Variants in AACS observed in about 807,000 individuals in gnomAD.
The protein encoded by AACS is acetoacetate-CoA ligase.
Under a neutral mutation model 83.1 loss-of-function variants are expected in AACS, and 69 were observed. The observed-to-expected ratio is 0.83, with a 90% CI of 0.68 to 1.01. The LOEUF is 1.01. Among genes scored for constraint, AACS ranks in the 50% least tolerant of loss-of-function variants. The probability of loss-of-function intolerance (pLI) is 0.00; values close to 1 mark genes in which losing one functional copy is unlikely to be tolerated. For synonymous variants in AACS, 333 were observed against 343.4 expected, an observed-to-expected ratio of 0.97 and a Z score of 0.33; for missense variants, 866 against 882.2, an observed-to-expected ratio of 0.98 and a Z score of 0.23.
At position 125,082,820 on chromosome 12, in the gene AACS, C is replaced by G. The variant is rs796227231; in HGVS notation, c.359-3510C>G. ...TGGGTGACAGAGCGAGACTCTGTCT[C>G]AAACACACACAGACACACACACACA... On this transcript the variant is annotated intron_variant, in intron 3 of 17. Coordinates refer to ENST00000316519, the MANE Select transcript of AACS (RefSeq NM_023928.5). Among the ~76,000 whole-genome samples the G allele has an allele frequency of 1.4e-4, 21 of 152,020 alleles. 1 individual carries two copies. The highest frequency in any genetic ancestry group is 4.8e-4 in the African/African-American group (20 of 41,436).
chr12:125,083,172 C>T (rs994062984), intron 3 of AACS, among the ~76,000 whole-genome samples: 10 of 152,224 alleles, frequency 6.6e-5, no homozygotes, highest in Admixed American at 1.3e-4. Context: ...GAAGGCTTGA[C>T]TGAGGCTAGA....
intron 9 of AACS, among the ~76,000 whole-genome samples, chr12:125,116,707 C>T (rs1398630992): frequency 1.3e-5 from 2 of 152,070 alleles, no homozygotes; most frequent in African/African-American, 2.4e-5. Flanking sequence ...CCTCATGATC[C>T]GCCTGCCTCG....
chr12:125,096,157 G>C (rs1476541161), intron 5 of AACS, among the ~76,000 whole-genome samples: 2 of 152,116 alleles, frequency 1.3e-5, no homozygotes, highest in Non-Finnish European at 2.9e-5. Flanking sequence ...GTAGAGACGG[G>C]GTTTCACCAT....
chr12:125,065,562 A>AGCCCCGGCCGCCCGCCGCC lies in AACS; in HGVS notation c.-19_-1dup, dbSNP rs1211529998. On this transcript the variant is annotated 5_prime_UTR_variant, in exon 1 of 18. Transcript: ENST00000316519. Reference sequence around the variant, plus strand: ...GCCCCTGGTCCCCAGCCCTCGTCGCAGCCCCGGCCGCCCGCCGCCGCCATG... The same window carrying AGCCCCGGCCGCCCGCCGCC: ...GCCCCTGGTCCCCAGCCCTCGTCGCAGCCCCGGCCGCCCGCCGCCGCCCCGGCCGCCCGCCGCCGCCATG... 2 of 1,464,712 alleles carry AGCCCCGGCCGCCCGCCGCC rather than the reference A, an allele frequency of 1.4e-6. No homozygotes were observed. The highest frequency in any genetic ancestry group is 1.8e-6 in the Non-Finnish European group (2 of 1,104,104). 90.7% of individuals were successfully genotyped at this position (1,464,712 alleles called of 1,614,324 possible).
chr12:125,065,609 C>T lies in AACS; in HGVS notation c.25C>T (p.Arg9Trp), dbSNP rs1367795275. The change falls in exon 1 of 18, where the codon CGG (arginine) becomes TGG (tryptophan). Residue 9 changes from arginine to tryptophan, a missense_variant. By Grantham distance (101) the Arg-to-Trp change is moderately radical. Coordinates refer to ENST00000316519, the MANE Select transcript of AACS (RefSeq NM_023928.5). ...CATGTCCAAGGAGGAGCGCCCCGGT[C>T]GGGAGGAGATCCTGGAGTGCCAGGT... is the stretch of plus-strand genomic sequence containing the variant. MSKEERPG[R>W]EEILECQVMW... 3.3e-6 allele frequency: 5 copies of T among 1,534,368 alleles called. No individual in the cohort carries two copies. Among genetic ancestry groups the T allele is most frequent in the Non-Finnish European group, 8.8e-7 (1 of 1,139,682 alleles).
At chr12:125,071,424 C>T (rs1040893867) in intron 1 of AACS, among the ~76,000 whole-genome samples, 8 of 152,132 alleles carry the variant, frequency 5.3e-5, no homozygotes, top group African/African-American at 1.7e-4. Flanking sequence ...CAGGAGAAGC[C>T]GGAGTTTCAT....
chr12:125,096,569 G>C (rs1337947018), intron 5 of AACS, among the ~76,000 whole-genome samples: 2 of 152,182 alleles, frequency 1.3e-5, no homozygotes, highest in African/African-American at 4.8e-5. Context: ...GAGGGAGCCA[G>C]GTGCAGGGAT....
At chr12:125,125,447 C>T (rs954708110) in intron 12 of AACS, among the ~76,000 whole-genome samples, 1 of 152,188 alleles carries the variant, frequency 6.6e-6, no homozygotes, top group African/African-American at 2.4e-5. Flanking sequence ...CCCTGGGCTC[C>T]TGTGTGTGAG....
intron 3 of AACS, among the ~76,000 whole-genome samples, chr12:125,080,718 G>A (rs1270168126): frequency 1.3e-5 from 2 of 151,992 alleles, no homozygotes; most frequent in East Asian, 1.9e-4. Context: ...TTGAGACAGA[G>A]TCTAGCTCTG....
intron 3 of AACS, among the ~76,000 whole-genome samples, chr12:125,079,678 T>G (rs6488986): frequency 1.3e-5 from 2 of 152,052 alleles, no homozygotes; most frequent in African/African-American, 4.8e-5. Context: ...CATGAGCCAC[T>G]GCGTCCAGCC....
At chr12:125,114,608 C>A in intron 9 of AACS, 51 bp downstream of exon 9, 1 of 1,527,510 alleles carries the variant, frequency 6.5e-7, no homozygotes, top group Non-Finnish European at 8.9e-7. Context: ...TAGGGGCTTC[C>A]CTGGGTGCCA....
rs1320209936 is a variant in AACS, at chr12:125,129,582, C to CT, written c.1549+124dup. 3.9e-6 allele frequency: 5 copies of CT among 1,288,776 alleles called. No homozygotes were observed. In the East Asian group the frequency reaches 1.2e-4, roughly 32 times the overall value. 79.8% of individuals were successfully genotyped at this position (1,288,776 alleles called of 1,614,324 possible). ...CCCCCACCAGGGCTTGGAGAAGCTG[C>CT]TTATAGTTCATTCCGCCAGTGGGGG... On this transcript the variant is annotated intron_variant, in intron 14 of 17. Transcript: ENST00000316519. This position sits in a 1 kb window ranked among gnomAD's most constrained non-coding sequence, Gnocchi z 4.3.
rs1459912950 is a variant in AACS, at chr12:125,098,221, G to A, written c.571-4458G>A. On this transcript the variant is annotated intron_variant, in intron 5 of 17. Transcript: ENST00000316519. ...GAGGCGGATGGATCACTTGAATCCC[G>A]GAGTTTGAGAGCAGCCTGGGCAACA... Among the ~76,000 whole-genome samples, 8 of 151,944 alleles carry A rather than the reference G, an allele frequency of 5.3e-5. 1 individual carries two copies. The South Asian group carries it at 1.0e-3, about 20-fold the overall frequency.
In AACS at chr12:125,091,458, G is replaced by A. The variant is rs1384968719; in HGVS notation, c.505G>A (p.Ala169Thr). ...ACCCAACAGTGAGCACGCTGTCGAG[G>A]CGATGCTGGCTGCGGCAAGCATTGG... ...YLPNSEHAVE[A>T]MLAAASIGAI... is the part of the protein sequence containing the mutation. The change falls in exon 5 of 18, where the codon GCG (alanine) becomes ACG (threonine). Residue 169 changes from alanine to threonine, a missense_variant. Ala to Thr is a moderately conservative substitution (Grantham distance 58). Transcript: ENST00000316519. 4.3e-6 allele frequency: 7 copies of A among 1,614,242 alleles called. No individual in the cohort carries two copies. The highest frequency in any genetic ancestry group is 1.6e-4 in the Middle Eastern group (1 of 6,062).
In AACS at chr12:125,085,425, G is replaced by A. The variant is rs540794711; in HGVS notation, c.359-905G>A. On this transcript the variant is annotated intron_variant, in intron 3 of 17. Transcript: ENST00000316519. ...CCACACACGTGCACCTTGCATCCAC[G>A]TCTGTTTCATGGAACCACGCACGTG... 6.4e-4 allele frequency among the ~76,000 whole-genome samples: 96 copies of A among 151,102 alleles called. No homozygotes were observed. In the East Asian group the frequency reaches 6.8e-3, roughly 11 times the overall value.
intron 1 of AACS, 106 bp downstream of exon 1, chr12:125,065,823 G>A (rs571603122): frequency 2.9e-6 from 4 of 1,377,976 alleles, no homozygotes; most frequent in Admixed American, 7.3e-5. Flanking sequence ...GGCTGGAGGA[G>A]CCACTTGATG....
At position 125,102,988 on chromosome 12, in the gene AACS, C is replaced by T. The variant is rs372062541; in HGVS notation, c.686-12C>T. 124 of 1,609,470 alleles carry T rather than the reference C, an allele frequency of 7.7e-5. No homozygotes were observed. Among genetic ancestry groups the T allele is most frequent in the East Asian group, 2.7e-4 (12 of 44,870 alleles). On this transcript the variant is annotated splice_polypyrimidine_tract_variant and intron_variant, in intron 6 of 17. Coordinates refer to ENST00000316519, the MANE Select transcript of AACS (RefSeq NM_023928.5). ...CCTGTAACCTTGTGTTTTCTCCTCT[C>T]GCTCCTTCCAGGCCTACCAGACTTG... is the stretch of plus-strand genomic sequence containing the variant.
At chr12:125,114,328 C>T in intron 8 of AACS, 149 bp from the exon 9 acceptor site, 1 of 594,254 alleles carries the variant, frequency 1.7e-6, no homozygotes, top group Non-Finnish European at 2.9e-6. Context: ...TGGGGGGAAC[C>T]CTCCAAAGTC....
chr12:125,108,819 C>T (rs907499694), intron 8 of AACS, among the ~76,000 whole-genome samples: 4 of 150,546 alleles, frequency 2.7e-5, no homozygotes, highest in Non-Finnish European at 1.5e-5. Context: ...AGGCGTGTGC[C>T]GCTATGCCCT....
Sources: allele counts gnomAD v4.1 joint callset (sites outside exome capture counted in the v4.1 genomes callset), GRCh38; gene constraint gnomAD v4.1.1; non-coding constraint Gnocchi (gnomAD v3.1); transcripts MANE v1.5; gene names NCBI Gene and HGNC (gene_info 2026-07-23, HGNC 2026-07-21).